CDYL: variants seen among roughly 807,000 people sequenced by gnomAD.
CDYL encodes chromodomain Y like, also known as chromodomain Y-like protein.
Under a neutral mutation model 47.3 loss-of-function variants are expected in CDYL, and 8 were observed. That is an observed-to-expected ratio of 0.17 (90% CI 0.10 to 0.31). The LOEUF (loss-of-function observed/expected upper bound fraction) is 0.31. Among genes scored for constraint, CDYL ranks in the 10% least tolerant of loss-of-function variants. The pLI, the probability that CDYL is intolerant of heterozygous loss-of-function variation, is 1.00. For synonymous variants in CDYL, 266 were observed against 265.0 expected (o/e 1.00, Z -0.04); for missense variants, 471 against 701.4 (o/e 0.67, Z 3.71).
intron 1 of CDYL, among the ~76,000 whole-genome samples, chr6:4,854,587 A>G (rs1032636711): frequency 4.6e-5 from 7 of 152,252 alleles, no homozygotes; most frequent in African/African-American, 1.7e-4. Flanking sequence ...TTCAAATGGC[A>G]AAATGCTACA....
intron 1 of CDYL, among the ~76,000 whole-genome samples, chr6:4,864,157 G>A (rs776463994): frequency 6.6e-6 from 1 of 152,138 alleles, no homozygotes; most frequent in African/African-American, 2.4e-5. Context: ...TGTAAAATAT[G>A]ATTCAAGAAA....
At chr6:4,780,726 TA>T (rs1758595980) in intron 1 of CDYL, among the ~76,000 whole-genome samples, 1 of 152,188 alleles carries the variant, frequency 6.6e-6, no homozygotes, top group Non-Finnish European at 1.5e-5. Context: ...TTTCCATTTT[TA>T]AAGAGGAAAA....
intron 1 of CDYL, among the ~76,000 whole-genome samples, chr6:4,865,984 A>G (rs1761308317): frequency 1.3e-5 from 2 of 152,212 alleles, no homozygotes. Context: ...AAAATACAAG[A>G]GACATTCAAA....
intron 4 of CDYL, among the ~76,000 whole-genome samples, chr6:4,939,182 G>A (rs1467644322): frequency 6.6e-6 from 1 of 152,236 alleles, no homozygotes; most frequent in African/African-American, 2.4e-5. Context: ...AACTACTTTT[G>A]ATAGTTACTA....
rs141048339 is a variant in CDYL, at chr6:4,826,375, T to A, written c.24+49568T>A. Among the ~76,000 whole-genome samples the A allele has an allele frequency of 1.1e-4, 16 of 152,318 alleles. No homozygotes were observed. In the East Asian group the frequency reaches 2.9e-3, roughly 27 times the overall value. On this transcript the variant is annotated intron_variant, in intron 1 of 6. Transcript: ENST00000397588. Reference sequence around the variant, plus strand: ...TATCTTACCCGTAATCTTTATTATTTTCATCCTTCTGGTACCTTCGGGTTT... The same window carrying A: ...TATCTTACCCGTAATCTTTATTATTATCATCCTTCTGGTACCTTCGGGTTT...
At chr6:4,770,598 T>G (rs1171358750) in intron 3 of CDYL, among the ~76,000 whole-genome samples, 1 of 152,242 alleles carries the variant, frequency 6.6e-6, no homozygotes, top group Non-Finnish European at 1.5e-5. Context: ...TTGTTTAGTC[T>G]GTTAGGGATA....
Position 4,831,764 on chromosome 6 carries a change from G to A in CDYL, c.24+54957G>A, listed in dbSNP as rs543739969. Among the ~76,000 whole-genome samples the A allele has an allele frequency of 1.8e-3, 275 of 152,280 alleles. 1 individual carries two copies. Among genetic ancestry groups the A allele is most frequent in the African/African-American group, 6.5e-3 (269 of 41,554 alleles). ...CTTTAATTTCATTGAGCAGTGGTTT[G>A]TAGTTCTCCTTGAAGAGACCCTTCA... On this transcript the variant is annotated intron_variant, in intron 1 of 6. Transcript: ENST00000397588.
chr6:4,936,065 C>T (rs1260458466), intron 3 of CDYL, among the ~76,000 whole-genome samples: 2 of 152,218 alleles, frequency 1.3e-5, no homozygotes. Context: ...TGCCTGGAAG[C>T]TCTTCATCTG....
intron 1 of CDYL, among the ~76,000 whole-genome samples, chr6:4,817,109 A>G (rs968450353): frequency 6.6e-6 from 1 of 152,158 alleles, no homozygotes; most frequent in Non-Finnish European, 1.5e-5. Context: ...AAATCTAGTT[A>G]TTCCTACAGG....
intron 1 of CDYL, among the ~76,000 whole-genome samples, chr6:4,801,660 A>T (rs1759229328): frequency 6.6e-6 from 1 of 151,602 alleles, no homozygotes; most frequent in Non-Finnish European, 1.5e-5. Flanking sequence ...CAAAATTTGA[A>T]AGTTGGCTAA....
At chr6:4,916,173 A>G (rs1052055632) in intron 2 of CDYL, among the ~76,000 whole-genome samples, 8 of 152,370 alleles carry the variant, frequency 5.3e-5, no homozygotes, top group African/African-American at 1.7e-4. Context: ...TCCTGAGGCT[A>G]TGTCAGGGCC....
chr6:4,770,397 C>T (rs768486893), intron 3 of CDYL, among the ~76,000 whole-genome samples: 4 of 152,212 alleles, frequency 2.6e-5, no homozygotes, highest in African/African-American at 4.8e-5. Flanking sequence ...GCTTTGTGGA[C>T]GAATGTGCTT....
chr6:4,815,821 T>TAAA (rs1759658988), intron 1 of CDYL, among the ~76,000 whole-genome samples: 1 of 151,968 alleles, frequency 6.6e-6, no homozygotes, highest in Non-Finnish European at 1.5e-5. Context: ...CTGTTTTGGC[T>TAAA]TTTAAAAATA....
intron 1 of CDYL, among the ~76,000 whole-genome samples, chr6:4,794,844 G>T (rs1337358804): frequency 6.6e-6 from 1 of 152,086 alleles, no homozygotes. Context: ...TAGAAAGGCT[G>T]TTTATGTATA....
intron 2 of CDYL, among the ~76,000 whole-genome samples, chr6:4,916,922 G>A (rs1757573390): frequency 6.6e-6 from 1 of 152,194 alleles, no homozygotes; most frequent in African/African-American, 2.4e-5. Flanking sequence ...GGGCCCTGAG[G>A]CTGATGGGGA....
At chr6:4,909,402 C>T (rs1581256217) in intron 2 of CDYL, among the ~76,000 whole-genome samples, 1 of 152,214 alleles carries the variant, frequency 6.6e-6, no homozygotes, top group Non-Finnish European at 1.5e-5. Context: ...AGCTCTGCTG[C>T]TCACCATTGC....
intron 1 of CDYL, among the ~76,000 whole-genome samples, chr6:4,707,115 G>C (rs908031757): frequency 6.6e-6 from 1 of 152,026 alleles, no homozygotes; most frequent in Admixed American, 6.6e-5. Flanking sequence ...TCCAAGAAGA[G>C]GTATACATTG....
intron 6 of CDYL, among the ~76,000 whole-genome samples, chr6:4,953,252 T>C (rs1000058893): frequency 6.6e-6 from 1 of 151,640 alleles, no homozygotes; most frequent in African/African-American, 2.4e-5. Context: ...GGCTTGGTGG[T>C]GCACGCCTGT....
intron 2 of CDYL, among the ~76,000 whole-genome samples, chr6:4,927,287 T>C (rs1036744930): frequency 5.9e-5 from 9 of 152,218 alleles, no homozygotes; most frequent in African/African-American, 2.2e-4. Flanking sequence ...TACCGATTTA[T>C]GTATATGTGC....
Sources: gnomAD v4.1 joint callset for allele counts (sites outside exome capture counted in the v4.1 genomes callset) on GRCh38, gnomAD v4.1.1 for gene constraint, MANE v1.5 for transcripts, NCBI Gene and HGNC (gene_info 2026-07-23, HGNC 2026-07-21) for gene names.